Variants in TPGS2 observed in about 807,000 individuals in gnomAD.
The protein encoded by TPGS2 is tubulin polyglutamylase complex subunit 2.
TPGS2 carries 26 observed loss-of-function variants against 31.1 expected under a neutral mutation model. The observed-to-expected ratio is 0.84, with a 90% CI of 0.61 to 1.16. The LOEUF is 1.16. Among genes scored for constraint, TPGS2 ranks in the 50% most tolerant of loss-of-function variants. The probability of loss-of-function intolerance (pLI) is 0.00; values close to 1 mark genes in which losing one functional copy is unlikely to be tolerated. For missense variants in TPGS2, 351 were observed against 363.8 expected, an observed-to-expected ratio of 0.96 and a Z score of 0.29; for synonymous variants, 130 against 136.6, an observed-to-expected ratio of 0.95 and a Z score of 0.34.
chr18:36,800,314 G>T lies in TPGS2; in HGVS notation c.383-3C>A. The T allele has an allele frequency of 6.2e-7, 1 of 1,613,458 alleles. No individual in the cohort carries two copies. Reference sequence around the variant, plus strand: ...CTTCTCTGGCTGATCATCACTGGCTGCAAACCCAGAAGTTAATGGTAATGT... The same window carrying T: ...CTTCTCTGGCTGATCATCACTGGCTTCAAACCCAGAAGTTAATGGTAATGT... On this transcript the variant is annotated splice_region_variant and splice_polypyrimidine_tract_variant and intron_variant, in intron 4 of 6. Transcript: ENST00000334295.
chr18:36,816,519 A>C (rs1266852452), intron 2 of TPGS2, among the ~76,000 whole-genome samples: 1 of 152,210 alleles, frequency 6.6e-6, no homozygotes, highest in Non-Finnish European at 1.5e-5. Flanking sequence ...ACCCTAGACA[A>C]GGCATTCCTG....
intron 1 of TPGS2, among the ~76,000 whole-genome samples, chr18:36,828,368 A>G (rs756762137): frequency 2.6e-5 from 4 of 151,896 alleles, no homozygotes; most frequent in Non-Finnish European, 4.4e-5. Context: ...GGGAGATCCA[A>G]CTTCCCAACC....
chr18:36,804,109 C>T (rs539239110), intron 4 of TPGS2, among the ~76,000 whole-genome samples: 196 of 152,312 alleles, frequency 1.3e-3, no homozygotes, highest in African/African-American at 4.5e-3. Context: ...AATACAGGCT[C>T]ATGCCACTGC....
At chr18:36,826,324 A>T (rs1247686664) in intron 1 of TPGS2, among the ~76,000 whole-genome samples, 3 of 152,000 alleles carry the variant, frequency 2.0e-5, no homozygotes, top group Admixed American at 1.3e-4. Context: ...TGTGCCAGCT[A>T]CATTTTATTC....
intron 2 of TPGS2, among the ~76,000 whole-genome samples, chr18:36,815,756 C>A (rs867199896): frequency 3.5e-4 from 54 of 152,318 alleles, no homozygotes; most frequent in African/African-American, 1.2e-3. Context: ...CAGGCCTTTA[C>A]AAGCCCCGAC....
At chr18:36,780,260 G>T, downstream of TPGS2, 4 of 1,122,842 alleles carry the variant, frequency 3.6e-6, no homozygotes, top group Non-Finnish European at 4.5e-6. Context: ...TTGGGCCTAA[G>T]TCCTTGTTAC....
In TPGS2 at chr18:36,811,549, G is replaced by GT. The variant is rs577410589; in HGVS notation, c.166-3616dup. ...CTCATATGAGGCAACCTTCAGAAGA[G>GT]TAATACCCTCAAGTTTATATAATCA... is the stretch of plus-strand genomic sequence containing the variant. On this transcript the variant is annotated intron_variant, in intron 2 of 6. Coordinates refer to ENST00000334295, the MANE Select transcript of TPGS2 (RefSeq NM_015476.4). Among the ~76,000 whole-genome samples, 824 of 152,298 alleles carry GT rather than the reference G, an allele frequency of 5.4e-3. 11 individuals are homozygous for GT. The highest frequency in any genetic ancestry group is 6.1e-3 in the Non-Finnish European group (416 of 68,030).
chr18:36,804,749 T>A (rs186401072), intron 4 of TPGS2, among the ~76,000 whole-genome samples: 1 of 152,344 alleles, frequency 6.6e-6, no homozygotes, highest in Admixed American at 6.5e-5. Flanking sequence ...CTCAGACCCC[T>A]GGCAACCTGG....
rs1190920036 is a variant in TPGS2, at chr18:36,800,145, G to A, written c.496+53C>T. The A allele has an allele frequency of 2.6e-6, 4 of 1,522,994 alleles. No individual in the cohort carries two copies. In the Admixed American group the frequency reaches 5.1e-5, roughly 19 times the overall value. 94.3% of individuals were successfully genotyped at this position (1,522,994 alleles called of 1,614,324 possible). A position where few individuals can be genotyped will look rare whatever the true frequency, so the allele number is the denominator to read the frequency against. ...TCCTGAGCCATGGCTGACAAGCAAGGTCAGGCAAGACCCTAGCCAAACTAC... is the reference window on the plus strand; with the variant it reads ...TCCTGAGCCATGGCTGACAAGCAAGATCAGGCAAGACCCTAGCCAAACTAC... On this transcript the variant is annotated intron_variant, in intron 5 of 6. Transcript: ENST00000334295.
chr18:36,819,427 G>A (rs1004704953), intron 1 of TPGS2, among the ~76,000 whole-genome samples: 1 of 152,182 alleles, frequency 6.6e-6, no homozygotes, highest in Admixed American at 6.5e-5. Flanking sequence ...TCTACTCTGT[G>A]AGGTCTAGGA....
chr18:36,819,686 G>C (rs2045811348), intron 1 of TPGS2, among the ~76,000 whole-genome samples: 2 of 152,130 alleles, frequency 1.3e-5, no homozygotes, highest in South Asian at 4.2e-4. Context: ...AGATTCTGAA[G>C]TCCTTAATCC....
Position 36,795,910 on chromosome 18 carries a change from A to AGAGTT in TPGS2, c.*890_*894dup. The AGAGTT allele has an allele frequency of 1.0e-6, 1 of 985,462 alleles. No homozygotes were observed. Among genetic ancestry groups the AGAGTT allele is most frequent in the Admixed American group, 6.1e-5 (1 of 16,292 alleles). The allele number at this position is 985,462 out of a possible 1,614,324, so 61.0% of individuals were successfully genotyped here. A position where few individuals can be genotyped will look rare whatever the true frequency, so the allele number is the denominator to read the frequency against. On this transcript the variant is annotated 3_prime_UTR_variant, in exon 7 of 7. Coordinates refer to ENST00000334295, the MANE Select transcript of TPGS2 (RefSeq NM_015476.4). ...CACCATTAAAACTCTTTCTTTATGAAGAGTTGTGCAAAACAATGTTTGGGA... is the reference window on the plus strand; with the variant it reads ...CACCATTAAAACTCTTTCTTTATGAAGAGTTGAGTTGTGCAAAACAATGTTTGGGA...
chr18:36,796,777 G>A lies in TPGS2; in HGVS notation c.*28C>T. On this transcript the variant is annotated 3_prime_UTR_variant, in exon 7 of 7. Coordinates refer to ENST00000334295, the MANE Select transcript of TPGS2 (RefSeq NM_015476.4). The stretch of plus-strand genomic sequence containing the variant: ...TGTGCATGGAAACCACCACTCTGGA[G>A]CTGGTAGGGAGTTGGAGGGAGGGGT... 6.3e-7 allele frequency: 1 copy of A among 1,582,830 alleles called. No individual in the cohort carries two copies. Among genetic ancestry groups the A allele is most frequent in the Non-Finnish European group, 8.5e-7 (1 of 1,171,316 alleles).
At chr18:36,817,649 G>A (rs2045716193) in intron 2 of TPGS2, 1 of 152,008 alleles carries the variant, frequency 6.6e-6, no homozygotes, top group Non-Finnish European at 1.5e-5. Context: ...TGTTGTCCAG[G>A]CTTGTCTTGA....
intron 2 of TPGS2, among the ~76,000 whole-genome samples, chr18:36,808,648 C>A (rs1221422925): frequency 3.3e-5 from 5 of 151,492 alleles, no homozygotes; most frequent in East Asian, 1.9e-4. Context: ...AAAAAAAAAA[C>A]AAAGTGAAGA....
chr18:36,784,459 C>A (rs549937799), intron 6 of TPGS2, among the ~76,000 whole-genome samples: 1 of 152,244 alleles, frequency 6.6e-6, no homozygotes, highest in African/African-American at 2.4e-5. Flanking sequence ...CAAATAATAC[C>A]AAATTGCCTA....
At position 36,796,919 on chromosome 18, in the gene TPGS2, C is replaced by G. The variant is rs776494286; in HGVS notation, c.789G>C (p.Lys263Asn). The G allele has an allele frequency of 1.2e-6, 2 of 1,609,856 alleles. No individual in the cohort carries two copies. The highest frequency in any genetic ancestry group is 2.2e-5 in the East Asian group (1 of 44,810). ...CACCTGCAGGCTGCACAGGCCCTTTCTTTTTTGGGATTACGATCTTGTTCT... is the reference window on the plus strand; with the variant it reads ...CACCTGCAGGCTGCACAGGCCCTTTGTTTTTTGGGATTACGATCTTGTTCT... ...KSKNKIVIPK[K>N]KGPVQPAGGQ... The change falls in exon 7 of 7, where the codon AAG becomes AAC. Residue 263 changes from lysine to asparagine, a missense_variant. Coordinates refer to ENST00000334295, the MANE Select transcript of TPGS2 (RefSeq NM_015476.4).
intron 1 of TPGS2, 153 bp from the exon 2 acceptor site, chr18:36,819,126 T>C (rs1192816110): frequency 3.2e-6 from 2 of 630,620 alleles, no homozygotes; most frequent in South Asian, 2.2e-5. Context: ...AGAGAACTGG[T>C]TGGCCTCTGA....
chr18:36,787,987 C>T (rs2044181996), intron 6 of TPGS2, among the ~76,000 whole-genome samples: 1 of 152,192 alleles, frequency 6.6e-6, no homozygotes, highest in Non-Finnish European at 1.5e-5. Context: ...ATCTATCTAT[C>T]TATTGGTCAA....
Sources: allele counts gnomAD v4.1 joint callset (sites outside exome capture counted in the v4.1 genomes callset), GRCh38; gene constraint gnomAD v4.1.1; transcripts MANE v1.5; gene names NCBI Gene and HGNC (gene_info 2026-07-23, HGNC 2026-07-21).